Variants in DNER observed in about 807,000 individuals in gnomAD.
The protein encoded by DNER is delta and Notch-like epidermal growth factor-related receptor.
In DNER, 33 loss-of-function variants were observed where a neutral mutation model predicts 78.2. That is an observed-to-expected ratio of 0.42 (90% confidence interval 0.32 to 0.56). The LOEUF (loss-of-function observed/expected upper bound fraction) is 0.56. Ranked by LOEUF, DNER falls within the 20% of genes least tolerant of loss-of-function variation. The pLI is 0.11. For missense variants in DNER, 918 were observed against 975.3 expected, an observed-to-expected ratio of 0.94 and a Z score of 0.78; for synonymous variants, 417 against 384.8, an observed-to-expected ratio of 1.08 and a Z score of -0.98.
At chr2:229,482,222 C>T (rs948216616) in intron 6 of DNER, among the ~76,000 whole-genome samples, 2 of 152,190 alleles carry the variant, frequency 1.3e-5, no homozygotes, top group Admixed American at 1.3e-4. Context: ...CCACATAATA[C>T]CTTTCACATT....
At chr2:229,602,816 A>G (rs1032119519) in intron 1 of DNER, among the ~76,000 whole-genome samples, 3 of 152,210 alleles carry the variant, frequency 2.0e-5, no homozygotes, top group Non-Finnish European at 4.4e-5. Context: ...AGAAAACTTG[A>G]TATTAGAAAG....
chr2:229,408,069 T>C (rs1693428695), intron 9 of DNER, among the ~76,000 whole-genome samples: 2 of 152,084 alleles, frequency 1.3e-5, no homozygotes, highest in South Asian at 4.1e-4. Context: ...CAAAACTCTA[T>C]GGAGCTCAGC....
intron 1 of DNER, among the ~76,000 whole-genome samples, chr2:229,637,727 G>T (rs188907858): frequency 6.6e-6 from 1 of 151,946 alleles, no homozygotes; most frequent in Non-Finnish European, 1.5e-5. Flanking sequence ...AATCAAGTGC[G>T]TTTTTTTTCT....
chr2:229,700,857 C>T (rs1321697139), intron 1 of DNER, among the ~76,000 whole-genome samples: 3 of 149,624 alleles, frequency 2.0e-5, no homozygotes, highest in Non-Finnish European at 3.0e-5. Context: ...GGAGCCACTG[C>T]ACTCCAGCCT....
At chr2:229,640,668 T>C (rs948978573) in intron 1 of DNER, among the ~76,000 whole-genome samples, 2 of 152,258 alleles carry the variant, frequency 1.3e-5, no homozygotes, top group African/African-American at 4.8e-5. Flanking sequence ...CAGAACAATG[T>C]GTGCACAATA....
intron 6 of DNER, among the ~76,000 whole-genome samples, chr2:229,479,218 T>C (rs948912368): frequency 4.6e-5 from 7 of 152,182 alleles, no homozygotes; most frequent in Non-Finnish European, 8.8e-5. Context: ...CCGAGGATTA[T>C]GAAGGTTAAG....
chr2:229,582,004 C>A (rs1697407042), intron 4 of DNER, among the ~76,000 whole-genome samples: 1 of 152,120 alleles, frequency 6.6e-6, no homozygotes, highest in African/African-American at 2.4e-5. Flanking sequence ...CTCAGCTTCT[C>A]TCTAAAAAAC....
chr2:229,711,842 C>T (rs1338214490), intron 1 of DNER, among the ~76,000 whole-genome samples: 1 of 152,102 alleles, frequency 6.6e-6, no homozygotes, highest in Non-Finnish European at 1.5e-5. Context: ...CTCTCTCCCT[C>T]TCTCCCCTCC....
intron 1 of DNER, among the ~76,000 whole-genome samples, chr2:229,711,893 T>C (rs1448695997): frequency 6.6e-6 from 1 of 152,132 alleles, no homozygotes; most frequent in Non-Finnish European, 1.5e-5. Context: ...TCTGAAATTG[T>C]CTTTTGTGTT....
chr2:229,551,789 G>A (rs1439510446), intron 4 of DNER, among the ~76,000 whole-genome samples: 2 of 151,288 alleles, frequency 1.3e-5, no homozygotes, highest in East Asian at 2.0e-4. Context: ...AAAAATTACC[G>A]GGCATGGTGG....
intron 1 of DNER, among the ~76,000 whole-genome samples, chr2:229,705,999 C>T (rs971970786): frequency 1.1e-4 from 16 of 152,092 alleles, no homozygotes; most frequent in African/African-American, 3.4e-4. Flanking sequence ...TCAGATCTAT[C>T]CAGGAAGACT....
chr2:229,523,476 CTG>C (rs1486697012), intron 5 of DNER, among the ~76,000 whole-genome samples: 7 of 152,184 alleles, frequency 4.6e-5, no homozygotes, highest in African/African-American at 1.7e-4. Flanking sequence ...AGTCTTTACT[CTG>C]TGTTTGTCTA....
chr2:229,531,612 A>G (rs1384258566), intron 5 of DNER, among the ~76,000 whole-genome samples: 1 of 152,238 alleles, frequency 6.6e-6, no homozygotes, highest in Non-Finnish European at 1.5e-5. Flanking sequence ...ACTCCTCAAA[A>G]AGTAAAACAT....
At chr2:229,418,686 G>A (rs1046933861) in intron 8 of DNER, among the ~76,000 whole-genome samples, 2 of 152,176 alleles carry the variant, frequency 1.3e-5, no homozygotes, top group South Asian at 4.2e-4. Flanking sequence ...TTGGGATACC[G>A]AGGCAGGTTG....
chr2:229,578,809 GT>G (rs1472267515), intron 4 of DNER, among the ~76,000 whole-genome samples: 1 of 152,218 alleles, frequency 6.6e-6, no homozygotes, highest in African/African-American at 2.4e-5. Context: ...GGGAAGCAGA[GT>G]TCAAGAATAA....
At chr2:229,399,127 C>T (rs1350459566) in intron 10 of DNER, among the ~76,000 whole-genome samples, 1 of 151,260 alleles carries the variant, frequency 6.6e-6, no homozygotes, top group Non-Finnish European at 1.5e-5. Flanking sequence ...AACTGCCGCT[C>T]TTTTCAGATG....
At chr2:229,374,908 T>C (rs1251464975) in intron 11 of DNER, among the ~76,000 whole-genome samples, 1 of 152,230 alleles carries the variant, frequency 6.6e-6, no homozygotes. Context: ...AGCGTCAAGA[T>C]GTAAAACATA....
At chr2:229,391,504 T>A (rs1693015577) in intron 10 of DNER, among the ~76,000 whole-genome samples, 1 of 152,186 alleles carries the variant, frequency 6.6e-6, no homozygotes, top group African/African-American at 2.4e-5. Context: ...AGGCTAGCAA[T>A]CAAGGTCTGA....
At chr2:229,686,531 C>G (rs1236866422) in intron 1 of DNER, among the ~76,000 whole-genome samples, 1 of 152,168 alleles carries the variant, frequency 6.6e-6, no homozygotes, top group African/African-American at 2.4e-5. Flanking sequence ...TTTATGGGCT[C>G]ACACCTCATC....
Sources: allele counts gnomAD v4.1 joint callset (sites outside exome capture counted in the v4.1 genomes callset), GRCh38; gene constraint gnomAD v4.1.1; transcripts MANE v1.5; gene names NCBI Gene and HGNC (gene_info 2026-07-23, HGNC 2026-07-21).